LRP1B: variants seen among roughly 807,000 people sequenced by gnomAD.
LRP1B encodes low-density lipoprotein receptor-related protein 1B.
A neutral mutation model predicts 556.6 loss-of-function variants in LRP1B; 217 were observed. That is an observed-to-expected ratio of 0.39 (90% CI 0.35 to 0.44). LRP1B has a LOEUF of 0.44. Among genes scored for constraint, LRP1B ranks in the 20% least tolerant of loss-of-function variants. LRP1B has a pLI of 1.00. For missense variants in LRP1B, 5,053 were observed against 5,620.8 expected, an observed-to-expected ratio of 0.90 and a Z score of 3.23; for synonymous variants, 2,047 against 1,865.8, an observed-to-expected ratio of 1.10 and a Z score of -2.50.
chr2:141,151,236 A>G (rs1049835265), intron 7 of LRP1B, among the ~76,000 whole-genome samples: 6 of 152,160 alleles, frequency 3.9e-5, no homozygotes, highest in South Asian at 2.1e-4. Context: ...GTTTCAATGC[A>G]TGCTTTCATG....
intron 37 of LRP1B, among the ~76,000 whole-genome samples, chr2:140,714,204 T>C (rs1241302893): frequency 6.6e-6 from 1 of 152,170 alleles, no homozygotes; most frequent in Non-Finnish European, 1.5e-5. Flanking sequence ...TGTACTTGTA[T>C]TTTGTCAAGA....
chr2:140,545,422 T>C (rs1680293947), intron 43 of LRP1B, among the ~76,000 whole-genome samples: 1 of 152,160 alleles, frequency 6.6e-6, no homozygotes, highest in African/African-American at 2.4e-5. Flanking sequence ...GTTTTGAGTT[T>C]TACATTTAAT....
Position 140,314,952 on chromosome 2 carries a change from C to T in LRP1B, c.12788G>A (p.Cys4263Tyr), listed in dbSNP as rs2105036245. Residue 4263 changes from cysteine (C) to tyrosine (Y), a missense_variant, in exon 83 of 91, where the codon TGC (cysteine) becomes TAC (tyrosine). Cys to Tyr is a radical substitution (Grantham distance 194, BLOSUM62 -2). Coordinates refer to ENST00000389484, the MANE Select transcript of LRP1B (RefSeq NM_018557.3). The stretch of plus-strand genomic sequence containing the variant: ...ATATTTACCTAGAACTGATGGTACG[C>T]AAGTTCCTCCATTCTGGCAGTAGTT... ...CSNYCQNGGTCVPSVLGRPTC... is the reference protein window; with the variant it reads ...CSNYCQNGGTYVPSVLGRPTC... 6.2e-7 allele frequency: 1 copy of T among 1,606,086 alleles called. No individual in the cohort carries two copies. The highest frequency in any genetic ancestry group is 8.5e-7 in the Non-Finnish European group (1 of 1,176,100).
chr2:141,656,837 T>C (rs1690027550), intron 2 of LRP1B, among the ~76,000 whole-genome samples: 1 of 152,118 alleles, frequency 6.6e-6, no homozygotes, highest in South Asian at 2.1e-4. Context: ...CTATGTTGCA[T>C]AATCATATAG....
At chr2:141,090,825 G>A (rs751480621) in intron 7 of LRP1B, among the ~76,000 whole-genome samples, 2 of 152,090 alleles carry the variant, frequency 1.3e-5, no homozygotes, top group Non-Finnish European at 2.9e-5. Context: ...TGGAGTGAGT[G>A]TAGGCTGAAT....
chr2:140,383,495 C>T (rs113359541), intron 67 of LRP1B, among the ~76,000 whole-genome samples: 3 of 151,954 alleles, frequency 2.0e-5, no homozygotes, highest in East Asian at 1.9e-4. Flanking sequence ...CTGTGTAGAA[C>T]GACTGGCATT....
chr2:141,380,075 T>A (rs563924889), intron 3 of LRP1B, among the ~76,000 whole-genome samples: 46 of 152,228 alleles, frequency 3.0e-4, no homozygotes, highest in African/African-American at 1.1e-3. Flanking sequence ...CGTGCTACTG[T>A]TTGAGGGTCC....
At chr2:141,226,017 G>A (rs1373581209) in intron 6 of LRP1B, among the ~76,000 whole-genome samples, 3 of 151,848 alleles carry the variant, frequency 2.0e-5, no homozygotes, top group Admixed American at 6.6e-5. Flanking sequence ...TGAGACCTAC[G>A]GGCAGAGCGG....
rs755968096 is a variant in LRP1B at position 140,868,278 on chromosome 2, A to AC, written c.4170-16_4170-15insG. Reference sequence around the variant, plus strand: ...AGAAAAGAATTCTAAAAAAAAAAAAAAAAAAAGAAATAATACTATTGTTTC... The same window carrying AC: ...AGAAAAGAATTCTAAAAAAAAAAAAACAAAAAAGAAATAATACTATTGTTTC... On this transcript the variant is annotated splice_polypyrimidine_tract_variant and intron_variant, in intron 25 of 90. Coordinates refer to ENST00000389484, the MANE Select transcript of LRP1B (RefSeq NM_018557.3). 6.4e-7 allele frequency: 1 copy of AC among 1,556,848 alleles called. No homozygotes were observed. The highest frequency in any genetic ancestry group is 1.4e-5 in the African/African-American group (1 of 70,968).
intron 1 of LRP1B, among the ~76,000 whole-genome samples, chr2:141,889,049 C>T (rs1699206548): frequency 6.6e-6 from 1 of 152,144 alleles, no homozygotes; most frequent in African/African-American, 2.4e-5. Flanking sequence ...CCTCTCTCAG[C>T]ATAGGATTTC....
chr2:140,625,017 A>T (rs1296292115), intron 41 of LRP1B, among the ~76,000 whole-genome samples: 2 of 152,164 alleles, frequency 1.3e-5, no homozygotes, highest in Non-Finnish European at 2.9e-5. Flanking sequence ...GAGCATAAGA[A>T]AAAGAAATAG....
At chr2:141,445,993 G>C (rs1294266207) in intron 3 of LRP1B, among the ~76,000 whole-genome samples, 1 of 152,104 alleles carries the variant, frequency 6.6e-6, no homozygotes. Context: ...CTGTCTTGTT[G>C]ATCTATCTAA....
chr2:141,163,844 GAACT>G (rs1026818327), intron 7 of LRP1B, among the ~76,000 whole-genome samples: 2 of 151,992 alleles, frequency 1.3e-5, no homozygotes, highest in African/African-American at 4.8e-5. Context: ...GCATGAAAAT[GAACT>G]AATACAGGTA....
intron 16 of LRP1B, among the ~76,000 whole-genome samples, chr2:140,990,071 G>A (rs1004410147): frequency 6.6e-6 from 1 of 152,004 alleles, no homozygotes; most frequent in African/African-American, 2.4e-5. Context: ...GCCAGGCATG[G>A]TGGCGCATGC....
intron 1 of LRP1B, among the ~76,000 whole-genome samples, chr2:141,913,442 C>T (rs569250139): frequency 8.6e-5 from 13 of 152,040 alleles, no homozygotes; most frequent in South Asian, 2.1e-4. Flanking sequence ...TTACACTATG[C>T]GGCTGAAAAA....
chr2:140,648,016 A>G (rs142047468), intron 41 of LRP1B, among the ~76,000 whole-genome samples: 1,841 of 152,312 alleles, frequency 0.012, 34 homozygotes, highest in African/African-American at 0.039. Context: ...ACTATTTACA[A>G]TAGCAGAGAC....
At chr2:141,853,528 G>A (rs529019685) in intron 1 of LRP1B, among the ~76,000 whole-genome samples, 4 of 151,376 alleles carry the variant, frequency 2.6e-5, no homozygotes, top group African/African-American at 9.7e-5. Flanking sequence ...TATGTATGTT[G>A]TCTCGGTATT....
At chr2:140,916,002 C>G (rs956090132) in intron 21 of LRP1B, among the ~76,000 whole-genome samples, 1 of 151,610 alleles carries the variant, frequency 6.6e-6, no homozygotes, top group Non-Finnish European at 1.5e-5. Flanking sequence ...CACTCCAGCC[C>G]GGGTGACAGA....
At chr2:140,297,195 G>C (rs1435778204) in intron 84 of LRP1B, among the ~76,000 whole-genome samples, 3 of 152,124 alleles carry the variant, frequency 2.0e-5, no homozygotes, top group African/African-American at 7.2e-5. Context: ...GGATGTGCTA[G>C]TTAGTGTGAG....
Sources: gnomAD v4.1 joint callset for allele counts (sites outside exome capture counted in the v4.1 genomes callset) on GRCh38, gnomAD v4.1.1 for gene constraint, MANE v1.5 for transcripts, NCBI Gene and HGNC (gene_info 2026-07-23, HGNC 2026-07-21) for gene names.